The following ARHGAP32 variants were observed in gnomAD, a reference collection of about 807,000 sequenced individuals.
ARHGAP32 encodes Rho GTPase activating protein 32, also known as rho GTPase-activating protein 32.
In ARHGAP32, 51 loss-of-function variants were observed where a neutral mutation model predicts 186.5. The observed-to-expected ratio is 0.27, with a 90% CI of 0.22 to 0.35. The LOEUF is 0.35. Among genes scored for constraint, ARHGAP32 ranks in the 10% least tolerant of loss-of-function variants. The pLI is 1.00. For synonymous variants in ARHGAP32, 950 were observed against 964.3 expected (o/e 0.99, Z 0.27); for missense variants, 2,186 against 2,623.5 (o/e 0.83, Z 3.64).
intron 2 of ARHGAP32, among the ~76,000 whole-genome samples, chr11:129,132,185 T>TA (rs1318222913): frequency 6.6e-6 from 1 of 152,078 alleles, no homozygotes; most frequent in Non-Finnish European, 1.5e-5. Flanking sequence ...AAGTCCCCAA[T>TA]AAAAAACGGC....
intron 1 of ARHGAP32, among the ~76,000 whole-genome samples, chr11:129,263,077 C>T (rs1248445940): frequency 6.6e-6 from 1 of 152,018 alleles, no homozygotes; most frequent in African/African-American, 2.4e-5. Context: ...TACCTTATAC[C>T]ATATACAAAA....
intron 2 of ARHGAP32, among the ~76,000 whole-genome samples, chr11:129,159,720 A>G (rs978162338): frequency 6.6e-6 from 1 of 152,208 alleles, no homozygotes; most frequent in African/African-American, 2.4e-5. Flanking sequence ...AACTCATTTC[A>G]TGAGGCCAAC....
At chr11:129,197,812 G>A (rs1033320033) in intron 1 of ARHGAP32, among the ~76,000 whole-genome samples, 3 of 151,770 alleles carry the variant, frequency 2.0e-5, no homozygotes, top group Admixed American at 1.3e-4. Context: ...TTTTGTAGGC[G>A]TTTCCTCCAC....
At chr11:129,272,718 A>G (rs748821352) in intron 1 of ARHGAP32, among the ~76,000 whole-genome samples, 1 of 152,186 alleles carries the variant, frequency 6.6e-6, no homozygotes, top group Non-Finnish European at 1.5e-5. Context: ...AGAGAGAATG[A>G]TATCTTAGGA....
chr11:129,068,598 G>A (rs1422349857), intron 6 of ARHGAP32, among the ~76,000 whole-genome samples: 1 of 152,048 alleles, frequency 6.6e-6, no homozygotes, highest in Admixed American at 6.6e-5. Flanking sequence ...CTGCTAACCA[G>A]ATAGAGTTGA....
Position 129,174,293 on chromosome 11 carries a change from G to A in ARHGAP32, c.117-9866C>T, listed in dbSNP as rs995103480. 1.4e-4 allele frequency among the ~76,000 whole-genome samples: 22 copies of A among 152,270 alleles called. 2 individuals carry two copies. Among genetic ancestry groups the A allele is most frequent in the South Asian group, 4.1e-4 (2 of 4,822 alleles). ...CCGCACATGGCTCGGAGGGTCCTAC[G>A]CCCACGGAGTCTCGCTGATTGCTAG... On this transcript the variant is annotated intron_variant, in intron 1 of 22. Transcript: ENST00000682385.
intron 20 of ARHGAP32, among the ~76,000 whole-genome samples, chr11:128,976,078 CATATATAT>C (rs71472082): frequency 2.1e-5 from 3 of 145,802 alleles, no homozygotes; most frequent in South Asian, 2.2e-4. Context: ...CTCTGTCTAA[CATATATAT>C]ATATATATAT....
intron 6 of ARHGAP32, among the ~76,000 whole-genome samples, chr11:129,074,685 G>T (rs1381273296): frequency 6.6e-6 from 1 of 151,998 alleles, no homozygotes; most frequent in Admixed American, 6.6e-5. Flanking sequence ...AGTAGAGACA[G>T]GTTTCACCAT....
At chr11:129,063,080 T>C (rs943611063) in intron 9 of ARHGAP32, among the ~76,000 whole-genome samples, 1 of 152,158 alleles carries the variant, frequency 6.6e-6, no homozygotes, top group Non-Finnish European at 1.5e-5. Context: ...ATATCTATGA[T>C]AAAACATAGT....
intron 1 of ARHGAP32, among the ~76,000 whole-genome samples, chr11:129,264,366 G>T (rs1489480244): frequency 1.3e-5 from 2 of 152,088 alleles, no homozygotes; most frequent in Non-Finnish European, 2.9e-5. Flanking sequence ...CTAAAAAATG[G>T]CTAAGATAGC....
At chr11:129,107,868 CAAAAAAA>C (rs71057924) in intron 5 of ARHGAP32, among the ~76,000 whole-genome samples, 139 of 93,406 alleles carry the variant, frequency 1.5e-3, no homozygotes, top group Non-Finnish European at 1.9e-3. Context: ...AACTATGTTT[CAAAAAAA>C]AAAAAAAAAA....
chr11:129,034,242 T>C (rs973213883), intron 11 of ARHGAP32, among the ~76,000 whole-genome samples: 2 of 152,208 alleles, frequency 1.3e-5, no homozygotes, highest in East Asian at 3.8e-4. Flanking sequence ...TGTCTCCATA[T>C]GCAGGGGTCA....
chr11:128,973,083 A>G lies in ARHGAP32; in HGVS notation c.3423T>C (p.Thr1141=). The stretch of plus-strand genomic sequence containing the variant: ...TTGTGTTGGAATGGGTAGGATCCCC[A>G]GTAGCTGTTGTCTCTGGTAGAGGAT... ...CDHPLPETTA[T]GDPTHSNTTE... Residue 1141 remains threonine, a synonymous_variant, in exon 22 of 23, where the codon ACT becomes ACC. Coordinates refer to ENST00000682385, the MANE Select transcript of ARHGAP32 (RefSeq NM_001378024.1). The G allele has an allele frequency of 3.7e-6, 6 of 1,614,174 alleles. No individual in the cohort carries two copies. Among genetic ancestry groups the G allele is most frequent in the Admixed American group, 3.3e-5 (2 of 60,016 alleles).
At chr11:129,245,521 G>A (rs1225739783) in intron 1 of ARHGAP32, among the ~76,000 whole-genome samples, 2 of 150,240 alleles carry the variant, frequency 1.3e-5, no homozygotes, top group Non-Finnish European at 3.0e-5. Flanking sequence ...AGTGGGTGCA[G>A]CGCACCAGCA....
rs1939875882 is a variant in ARHGAP32, at chr11:129,047,794, TG to T, written c.964-6786del. 2.6e-5 allele frequency among the ~76,000 whole-genome samples: 4 copies of T among 152,332 alleles called. No homozygotes were observed. The South Asian group carries it at 8.3e-4, about 32-fold the overall frequency. On this transcript the variant is annotated intron_variant, in intron 10 of 22. Coordinates refer to ENST00000682385, the MANE Select transcript of ARHGAP32 (RefSeq NM_001378024.1). ...CCTGCCAACACCATCCCAGCACAGT[TG>T]ATCAAATAGACGGTAAGTCAATGAG...
chr11:129,026,237 G>C (rs573831475), intron 11 of ARHGAP32, among the ~76,000 whole-genome samples: 10 of 152,094 alleles, frequency 6.6e-5, no homozygotes, highest in South Asian at 4.2e-4. Context: ...ATGAATCCAG[G>C]GGATCTCTCT....
intron 18 of ARHGAP32, among the ~76,000 whole-genome samples, chr11:128,979,974 A>G (rs1285036456): frequency 6.6e-6 from 1 of 152,216 alleles, no homozygotes; most frequent in Admixed American, 6.5e-5. Flanking sequence ...CCTAGCAGAC[A>G]TCAGAATCAC....
At chr11:129,251,824 C>T (rs1591720191) in intron 1 of ARHGAP32, among the ~76,000 whole-genome samples, 1 of 150,744 alleles carries the variant, frequency 6.6e-6, no homozygotes, top group East Asian at 2.0e-4. Context: ...ATCCCAGCTA[C>T]TCGGGGAGGC....
At chr11:129,041,561 T>G (rs934735407) in intron 10 of ARHGAP32, among the ~76,000 whole-genome samples, 1 of 151,254 alleles carries the variant, frequency 6.6e-6, no homozygotes, top group Non-Finnish European at 1.5e-5. Context: ...AATCCTGGTA[T>G]TCACTGCTTT....
Sources: allele counts gnomAD v4.1 joint callset (sites outside exome capture counted in the v4.1 genomes callset), GRCh38; gene constraint gnomAD v4.1.1; transcripts MANE v1.5; gene names NCBI Gene and HGNC (gene_info 2026-07-23, HGNC 2026-07-21).